Variants in INTS4 observed in about 807,000 individuals in gnomAD.
INTS4 encodes the protein integrator complex subunit 4.
In INTS4, 70 loss-of-function variants were observed where a neutral mutation model predicts 119.5. That is an observed-to-expected ratio of 0.59 (90% CI 0.48 to 0.71). The LOEUF (loss-of-function observed/expected upper bound fraction) is 0.71, where lower values mean the gene tolerates loss of function less well. INTS4 is among the 30% of genes least tolerant of loss of function. The pLI is 0.00. For missense variants in INTS4, 867 were observed against 1,173.2 expected (o/e 0.74, Z 3.81); for synonymous variants, 316 against 419.6 (o/e 0.75, Z 3.02).
At chr11:77,941,821 C>T (rs997712065) in intron 8 of INTS4, among the ~76,000 whole-genome samples, 5 of 152,006 alleles carry the variant, frequency 3.3e-5, no homozygotes, top group African/African-American at 9.7e-5. Context: ...GTGTCATGTA[C>T]TATTCTAAGG....
chr11:77,922,934 T>A (rs2136483239), intron 12 of INTS4: 1 of 196,250 alleles, frequency 5.1e-6, no homozygotes, highest in Middle Eastern at 2.3e-3. Context: ...TCAGGGATGT[T>A]TTTGCAAATC....
At chr11:77,925,027 T>C in intron 11 of INTS4, 135 bp from the exon 12 acceptor site, 1 of 570,578 alleles carries the variant, frequency 1.8e-6, no homozygotes, top group Non-Finnish European at 3.1e-6. Context: ...GTTTTTTAGC[T>C]GAAATTCCTG....
chr11:77,975,491 T>C (rs1203858638), intron 4 of INTS4, among the ~76,000 whole-genome samples: 1 of 150,100 alleles, frequency 6.7e-6, no homozygotes, highest in African/African-American at 2.5e-5. Flanking sequence ...ATATCTCAAT[T>C]ACAAAAAAAA....
At chr11:77,970,458 T>C (rs546909589) in intron 4 of INTS4, among the ~76,000 whole-genome samples, 3 of 152,182 alleles carry the variant, frequency 2.0e-5, no homozygotes, top group South Asian at 4.1e-4. Flanking sequence ...TTGGTAGATA[T>C]CTACAAGCAG....
chr11:77,976,651 C>T (rs1030324350), intron 4 of INTS4, among the ~76,000 whole-genome samples: 1 of 152,160 alleles, frequency 6.6e-6, no homozygotes, highest in Non-Finnish European at 1.5e-5. Flanking sequence ...GCACTATTCA[C>T]AATAGCAAAG....
downstream of INTS4, among the ~76,000 whole-genome samples, chr11:77,875,318 A>G (rs1951566200): frequency 6.6e-6 from 1 of 152,220 alleles, no homozygotes; most frequent in Non-Finnish European, 1.5e-5. Flanking sequence ...TAAGGCGTGT[A>G]AACATTACAG....
intron 14 of INTS4, among the ~76,000 whole-genome samples, chr11:77,921,022 A>C (rs1591058464): frequency 6.6e-6 from 1 of 152,206 alleles, no homozygotes; most frequent in East Asian, 1.9e-4. Context: ...TACAAAAGCA[A>C]AAGTATAAAA....
At chr11:77,945,739 C>A (rs1236612194) in intron 8 of INTS4, among the ~76,000 whole-genome samples, 1 of 152,182 alleles carries the variant, frequency 6.6e-6, no homozygotes, top group Non-Finnish European at 1.5e-5. Context: ...TCCCTCACAA[C>A]CCATCACAGA....
intron 15 of INTS4, among the ~76,000 whole-genome samples, chr11:77,909,635 A>G (rs1953043611): frequency 1.3e-5 from 2 of 152,234 alleles, no homozygotes; most frequent in Non-Finnish European, 2.9e-5. Flanking sequence ...TCATAGCAGG[A>G]AATAAATAGC....
chr11:77,920,154 T>TATATACACATATATATACATATAC (rs1161699964), intron 14 of INTS4, among the ~76,000 whole-genome samples: 5,222 of 123,222 alleles, frequency 0.042, 201 homozygotes, highest in Middle Eastern at 0.079. Flanking sequence ...ACCATATATA[T>TATATACACATATATATACATATAC]ATATACACAT....
At chr11:77,979,998 G>A (rs970135250) in intron 3 of INTS4, among the ~76,000 whole-genome samples, 23 of 95,322 alleles carry the variant, frequency 2.4e-4, no homozygotes, top group African/African-American at 2.8e-4. Flanking sequence ...AAAAAAAGAA[G>A]AAACAGAAAA....
chr11:77,985,403 C>T (rs1231242726), intron 2 of INTS4, among the ~76,000 whole-genome samples: 2 of 152,188 alleles, frequency 1.3e-5, no homozygotes, highest in Non-Finnish European at 2.9e-5. Flanking sequence ...TCTCCATGCC[C>T]ATGTTCACGG....
intron 15 of INTS4, 84 bp downstream of exon 15, chr11:77,918,737 C>A: frequency 5.2e-6 from 8 of 1,544,402 alleles, no homozygotes; most frequent in Non-Finnish European, 7.0e-6. Context: ...GAATATCAAG[C>A]CTAGTAACCA....
Position 77,883,947 on chromosome 11 carries a change from T to C in INTS4, c.2598A>G (p.Leu866=). The stretch of plus-strand genomic sequence containing the variant: ...TCATCTGAGCCTGGCCATCTGGATA[T>C]AAGACCTAAAGGGTGACAGAAATGA... The part of the protein sequence containing the change: ...DPQNTVKVQV[L]YPDGQAQMIH... Residue 866 remains leucine (L), a synonymous_variant, in exon 22 of 23, where the codon TTA becomes TTG. Transcript: ENST00000534064. The C allele has an allele frequency of 1.2e-6, 2 of 1,612,924 alleles. No homozygotes were observed. The highest frequency in any genetic ancestry group is 1.7e-6 in the Non-Finnish European group (2 of 1,179,494).
intron 4 of INTS4, chr11:77,963,379 AAAAAC>A: frequency 4.9e-6 from 2 of 405,398 alleles, no homozygotes; most frequent in East Asian, 7.4e-5. Flanking sequence ...AAAAAACAAA[AAAAAC>A]TGCTTTTCTT....
intron 10 of INTS4, among the ~76,000 whole-genome samples, chr11:77,938,107 A>G (rs1206738889): frequency 1.3e-5 from 2 of 151,910 alleles, no homozygotes; most frequent in Non-Finnish European, 2.9e-5. Context: ...TCAGCCTCCC[A>G]AAGTGCTGGG....
chr11:77,920,277 A>G (rs1953324999), intron 14 of INTS4, among the ~76,000 whole-genome samples: 2 of 147,442 alleles, frequency 1.4e-5, no homozygotes, highest in African/African-American at 5.0e-5. Context: ...ACATATATAT[A>G]CACATATATA....
intron 3 of INTS4, among the ~76,000 whole-genome samples, chr11:77,980,570 G>A (rs1856165485): frequency 6.6e-6 from 1 of 152,098 alleles, no homozygotes; most frequent in African/African-American, 2.4e-5. Context: ...GTAGAGACAA[G>A]ATCTAATTAT....
rs763814229 is a variant in INTS4 at position 77,928,459 on chromosome 11, G to A, written c.1254C>T (p.Asp418=). The A allele has an allele frequency of 1.2e-4, 188 of 1,612,072 alleles. No homozygotes were observed. Among genetic ancestry groups the A allele is most frequent in the Non-Finnish European group, 1.6e-4 (187 of 1,178,862 alleles). ...FAEKCLDFLV[D]MFNDEIEEVR... Reference sequence around the variant, plus strand: ...CTTCCTCAATTTCATCGTTGAACATGTCAACTAGGAAATCAAGGCACTTCT... The same window carrying A: ...CTTCCTCAATTTCATCGTTGAACATATCAACTAGGAAATCAAGGCACTTCT... The change falls in exon 11 of 23, where the codon GAC becomes GAT. Residue 418 remains aspartate, a synonymous_variant. Transcript: ENST00000534064.
Sources: allele counts gnomAD v4.1 joint callset (sites outside exome capture counted in the v4.1 genomes callset), GRCh38; gene constraint gnomAD v4.1.1; transcripts MANE v1.5; gene names NCBI Gene and HGNC (gene_info 2026-07-23, HGNC 2026-07-21).